The following TNS3 variants were observed in gnomAD, a reference collection of about 807,000 sequenced individuals.
The protein encoded by TNS3 is tensin-3.
Under a neutral mutation model 140.9 loss-of-function variants are expected in TNS3, and 45 were observed. That is an observed-to-expected ratio of 0.32 (90% CI 0.25 to 0.41). The LOEUF (loss-of-function observed/expected upper bound fraction) is 0.41. TNS3 is among the 10% of genes least tolerant of loss of function. The pLI is 1.00. For synonymous variants in TNS3, 815 were observed against 788.4 expected (o/e 1.03, Z -0.56); for missense variants, 1,716 against 1,906.7 (o/e 0.90, Z 1.86).
At chr7:47,426,107 C>T (rs1794634298) in intron 9 of TNS3, among the ~76,000 whole-genome samples, 1 of 151,984 alleles carries the variant, frequency 6.6e-6, no homozygotes, top group South Asian at 2.1e-4. Flanking sequence ...ATGGTGAAAC[C>T]ACGTCTCTAC....
chr7:47,545,698 T>TC (rs903250267), intron 1 of TNS3, among the ~76,000 whole-genome samples: 5 of 152,106 alleles, frequency 3.3e-5, no homozygotes, highest in Admixed American at 6.5e-5. Flanking sequence ...CTTTCACACC[T>TC]CCCCAGTTTC....
intron 20 of TNS3, among the ~76,000 whole-genome samples, chr7:47,337,730 T>C (rs1222457215): frequency 6.6e-6 from 1 of 152,206 alleles, no homozygotes; most frequent in Non-Finnish European, 1.5e-5. Flanking sequence ...TGACCTCACA[T>C]TGCATGTGGA....
intron 17 of TNS3, among the ~76,000 whole-genome samples, chr7:47,350,930 T>G (rs894992676): frequency 4.6e-5 from 7 of 152,240 alleles, no homozygotes; most frequent in African/African-American, 7.2e-5. Flanking sequence ...GCATGTGTAG[T>G]GTGGTTTCAT....
rs111341831 is a variant in TNS3 at position 47,407,178 on chromosome 7, C to T, written c.723+4549G>A. 1.3e-3 allele frequency among the ~76,000 whole-genome samples: 192 copies of T among 152,304 alleles called. 1 individual carries two copies. Among genetic ancestry groups the T allele is most frequent in the African/African-American group, 4.3e-3 (178 of 41,562 alleles). Reference sequence around the variant, plus strand: ...TTTCTGGGCTTTGGCAAAAGATGCACTCCCGACTCTGATGGGAGTGCTGGC... The same window carrying T: ...TTTCTGGGCTTTGGCAAAAGATGCATTCCCGACTCTGATGGGAGTGCTGGC... On this transcript the variant is annotated intron_variant, in intron 13 of 30. Transcript: ENST00000311160. This position sits in a 1 kb window ranked among gnomAD's most constrained non-coding sequence, Gnocchi z 4.1.
chr7:47,538,746 AATC>A (rs1263995136), intron 1 of TNS3, among the ~76,000 whole-genome samples: 1 of 151,986 alleles, frequency 6.6e-6, no homozygotes, highest in Non-Finnish European at 1.5e-5. Flanking sequence ...TTCCTCACTA[AATC>A]ATCACCTGGC....
At chr7:47,448,542 C>T (rs916763749) in intron 4 of TNS3, among the ~76,000 whole-genome samples, 2 of 147,480 alleles carry the variant, frequency 1.4e-5, no homozygotes, top group Non-Finnish European at 3.0e-5. Context: ...TGGAGTGGCA[C>T]GATCTCGGCT....
At chr7:47,364,058 C>T (rs1462133627) in intron 17 of TNS3, among the ~76,000 whole-genome samples, 2 of 152,092 alleles carry the variant, frequency 1.3e-5, no homozygotes, top group Non-Finnish European at 2.9e-5. Context: ...GAACTAGCTG[C>T]TTTGCTACCA....
chr7:47,389,130 A>AAGC, intron 16 of TNS3, among the ~76,000 whole-genome samples: 2 of 15,552 alleles, frequency 1.3e-4, no homozygotes, highest in Middle Eastern at 0.023. Flanking sequence ...GAAGAAGAAG[A>AAGC]AGAAGAAGAA....
At chr7:47,423,254 C>T (rs1794474300) in intron 10 of TNS3, among the ~76,000 whole-genome samples, 1 of 152,234 alleles carries the variant, frequency 6.6e-6, no homozygotes. Context: ...AATTCTCCTA[C>T]AAATTCCCTG....
At chr7:47,494,565 G>A (rs372071916) in intron 3 of TNS3, among the ~76,000 whole-genome samples, 11 of 152,296 alleles carry the variant, frequency 7.2e-5, no homozygotes, top group African/African-American at 2.4e-4. Context: ...AGTGATAAGG[G>A]AGGGTTAACA....
chr7:47,315,214 G>A (rs866333948), intron 20 of TNS3, among the ~76,000 whole-genome samples: 19 of 152,120 alleles, frequency 1.2e-4, no homozygotes, highest in African/African-American at 4.6e-4. Flanking sequence ...TCCCTTTGCT[G>A]CTCAGACCCA....
intron 3 of TNS3, among the ~76,000 whole-genome samples, chr7:47,501,225 GAAGAGAGAAAGA>G (rs1348037453): frequency 6.7e-6 from 1 of 150,226 alleles, no homozygotes; most frequent in Admixed American, 6.6e-5. Flanking sequence ...AGGGAGAAAG[GAAGAGAGAAAGA>G]AAGAATTTAT....
chr7:47,347,786 G>T (rs192153270), intron 17 of TNS3, among the ~76,000 whole-genome samples: 22 of 152,280 alleles, frequency 1.4e-4, no homozygotes, highest in Admixed American at 4.6e-4. Flanking sequence ...TGTGCGTTAG[G>T]ACCTGGGATT....
intron 1 of TNS3, among the ~76,000 whole-genome samples, chr7:47,554,900 C>T (rs1049473751): frequency 2.6e-5 from 4 of 151,568 alleles, no homozygotes; most frequent in Non-Finnish European, 5.9e-5. Context: ...TGGTAGTGTG[C>T]GCCTGTAATC....
intron 16 of TNS3, among the ~76,000 whole-genome samples, chr7:47,373,895 C>T (rs1357819806): frequency 1.6e-4 from 24 of 152,162 alleles, no homozygotes; most frequent in Non-Finnish European, 1.5e-5. Context: ...CCAACCAAAA[C>T]CAAACACACA....
At chr7:47,487,706 G>C (rs1797663233) in intron 3 of TNS3, among the ~76,000 whole-genome samples, 2 of 152,146 alleles carry the variant, frequency 1.3e-5, no homozygotes, top group Admixed American at 6.6e-5. Flanking sequence ...ACTGAGTTAA[G>C]CCAAGTACAG....
chr7:47,504,711 C>A (rs1002390592), intron 3 of TNS3, among the ~76,000 whole-genome samples: 1 of 152,216 alleles, frequency 6.6e-6, no homozygotes, highest in Non-Finnish European at 1.5e-5. Flanking sequence ...GCTCCCTTAG[C>A]CACATACCCT....
At chr7:47,551,449 G>A (rs1171312027) in intron 1 of TNS3, among the ~76,000 whole-genome samples, 2 of 152,232 alleles carry the variant, frequency 1.3e-5, no homozygotes, top group Admixed American at 6.5e-5. Flanking sequence ...AGCCCTGGGT[G>A]TGGCCACCTC....
Position 47,407,114 on chromosome 7 carries a change from C to G in TNS3, c.723+4613G>C, listed in dbSNP as rs1257910236. Among the ~76,000 whole-genome samples the G allele has an allele frequency of 6.6e-6, 1 of 152,094 alleles. No individual in the cohort carries two copies. The highest frequency in any genetic ancestry group is 2.4e-5 in the African/African-American group (1 of 41,418). The stretch of plus-strand genomic sequence containing the variant: ...CGCATTTTTTTCTTCCTGTGTTGTT[C>G]CCTTAGGTCGTTTTCAGAGGGAGTC... On this transcript the variant is annotated intron_variant, in intron 13 of 30. Coordinates refer to ENST00000311160, the MANE Select transcript of TNS3 (RefSeq NM_022748.12). This position sits in a 1 kb window ranked among gnomAD's most constrained non-coding sequence, Gnocchi z 4.1.
Sources: gnomAD v4.1 joint callset for allele counts (sites outside exome capture counted in the v4.1 genomes callset) on GRCh38, gnomAD v4.1.1 for gene constraint, Gnocchi (gnomAD v3.1) non-coding constraint, MANE v1.5 for transcripts, NCBI Gene and HGNC (gene_info 2026-07-23, HGNC 2026-07-21) for gene names.